Variants in CHD2 observed in about 807,000 individuals in gnomAD.
CHD2 encodes ATP-dependent chromatin remodeler CHD2.
In CHD2, 28 loss-of-function variants were observed where a neutral mutation model predicts 243.9. The observed-to-expected ratio is 0.11, with a 90% confidence interval of 0.09 to 0.16. The LOEUF is 0.16. Ranked by LOEUF, CHD2 falls within the 10% of genes least tolerant of loss-of-function variation. The probability of loss-of-function intolerance (pLI) is 1.00; values close to 1 mark genes in which losing one functional copy is unlikely to be tolerated. For synonymous variants in CHD2, 775 were observed against 779.0 expected, an observed-to-expected ratio of 0.99 and a Z score of 0.09; for missense variants, 1,386 against 2,209.8, an observed-to-expected ratio of 0.63 and a Z score of 7.47.
Position 93,002,278 on chromosome 15 carries a change from G to A in CHD2, c.4239G>A (p.Gly1413=). Residue 1413 remains glycine, a synonymous_variant, in exon 33 of 39, where the codon GGG becomes GGA. Coordinates refer to ENST00000394196, the MANE Select transcript of CHD2 (RefSeq NM_001271.4). ...TGAGTTCTAGGAAAGACAAAGAAGGGGACAAGGAAAGAAAGAAGTCAAAAG... is the reference window on the plus strand; with the variant it reads ...TGAGTTCTAGGAAAGACAAAGAAGGAGACAAGGAAAGAAAGAAGTCAAAAG... ...KQMSSRKDKE[G]DKERKKSKDK... 1 of 1,600,598 alleles carries A rather than the reference G, an allele frequency of 6.2e-7. No individual in the cohort carries two copies. Among genetic ancestry groups the A allele is most frequent in the Non-Finnish European group, 8.5e-7 (1 of 1,173,848 alleles).
At chr15:92,940,398 G>A (rs1255530048) in intron 7 of CHD2, among the ~76,000 whole-genome samples, 4 of 152,026 alleles carry the variant, frequency 2.6e-5, no homozygotes, top group Admixed American at 6.6e-5. Flanking sequence ...AGTGAGTTGA[G>A]ATCACGCCAC....
At chr15:92,971,201 A>G (rs916554903) in intron 17 of CHD2, among the ~76,000 whole-genome samples, 2 of 152,220 alleles carry the variant, frequency 1.3e-5, no homozygotes, top group Non-Finnish European at 2.9e-5. Flanking sequence ...CTTGGGGACC[A>G]GAAGTATTTC....
intron 17 of CHD2, among the ~76,000 whole-genome samples, chr15:92,968,109 A>G (rs1469524776): frequency 7.7e-6 from 1 of 130,672 alleles, no homozygotes; most frequent in African/African-American, 2.6e-5. Context: ...TCTCTTAAGT[A>G]TATTTTAATC....
rs2053406994 is a variant in CHD2 at position 92,943,053 on chromosome 15, A to G, written c.1037A>G (p.Asp346Gly). 6.2e-7 allele frequency: 1 copy of G among 1,611,528 alleles called. No individual in the cohort carries two copies. Among genetic ancestry groups the G allele is most frequent in the Non-Finnish European group, 8.5e-7 (1 of 1,177,836 alleles). Residue 346 changes from aspartate (D) to glycine (G), a missense_variant, in exon 9 of 39, where the codon GAC becomes GGC. By Grantham distance (94) the Asp-to-Gly change is moderately conservative. Around this residue, in one of 19 missense-constraint regions of CHD2, gnomAD observed 200 missense variants for 292.5 expected, o/e 0.68. Coordinates refer to ENST00000394196, the MANE Select transcript of CHD2 (RefSeq NM_001271.4). ...KKLENFKKKE[D>G]EIKQWLGKVS... ...CTAGAGAACTTCAAGAAAAAAGAGG[A>G]CGAAATCAAACAATGGTATATTTTC...
intron 16 of CHD2, among the ~76,000 whole-genome samples, chr15:92,959,545 G>C (rs2053658586): frequency 2.0e-5 from 3 of 152,152 alleles, no homozygotes; most frequent in South Asian, 4.1e-4. Context: ...GGCTGGAAGG[G>C]AAGTGGCGCA....
Position 92,900,573 on chromosome 15 carries a change from T to C in CHD2, c.-323T>C, listed in dbSNP as rs988302061. 1.3e-5 allele frequency: 5 copies of C among 397,096 alleles called. No individual in the cohort carries two copies. The highest frequency in any genetic ancestry group is 3.6e-5 in the East Asian group (1 of 27,966). 24.6% of individuals were successfully genotyped at this position (397,096 alleles called of 1,614,324 possible). On this transcript the variant is annotated 5_prime_UTR_variant, in exon 1 of 39. Coordinates refer to ENST00000394196, the MANE Select transcript of CHD2 (RefSeq NM_001271.4). ...CAGCCGTACTGAGAGCCCAGGTCGTTGTTTTTTCCAGCTTAGAAGCCATGG... is the reference window on the plus strand; with the variant it reads ...CAGCCGTACTGAGAGCCCAGGTCGTCGTTTTTTCCAGCTTAGAAGCCATGG...
At chr15:92,911,515 A>G (rs1169694006) in intron 2 of CHD2, among the ~76,000 whole-genome samples, 3 of 152,194 alleles carry the variant, frequency 2.0e-5, no homozygotes, top group Admixed American at 1.3e-4. Flanking sequence ...AGGCTGGCAG[A>G]TCACTTGAGG....
At chr15:92,908,326 T>C (rs1309809686) in intron 2 of CHD2, among the ~76,000 whole-genome samples, 1 of 152,248 alleles carries the variant, frequency 6.6e-6, no homozygotes, top group African/African-American at 2.4e-5. Context: ...GTCTAAACCA[T>C]AGGACTATAT....
chr15:92,909,269 C>T (rs1942632596), intron 2 of CHD2, among the ~76,000 whole-genome samples: 1 of 152,108 alleles, frequency 6.6e-6, no homozygotes, highest in Non-Finnish European at 1.5e-5. Flanking sequence ...AGTTTAGATT[C>T]TAGAATTATT....
intron 7 of CHD2, among the ~76,000 whole-genome samples, chr15:92,940,534 G>A (rs1476285306): frequency 1.3e-5 from 2 of 150,806 alleles, no homozygotes; most frequent in East Asian, 3.9e-4. Context: ...TTTTTTTTTA[G>A]ATTTTACAGA....
chr15:92,923,337 T>A (rs1352646117), intron 2 of CHD2, among the ~76,000 whole-genome samples: 1 of 152,116 alleles, frequency 6.6e-6, no homozygotes, highest in Non-Finnish European at 1.5e-5. Flanking sequence ...CATGGCTCAC[T>A]GCATCCTCGA....
chr15:92,915,943 G>GT (rs2052826065), intron 2 of CHD2, among the ~76,000 whole-genome samples: 1 of 152,166 alleles, frequency 6.6e-6, no homozygotes, highest in Admixed American at 6.5e-5. Flanking sequence ...AGACAAATGC[G>GT]TATCTGATTG....
chr15:92,986,900 T>TA (rs1311997250), intron 26 of CHD2, among the ~76,000 whole-genome samples: 1 of 152,004 alleles, frequency 6.6e-6, no homozygotes, highest in Non-Finnish European at 1.5e-5. Flanking sequence ...TCTGGCTAAT[T>TA]AAAAATTTTT....
chr15:92,927,142 T>C (rs555282481), intron 3 of CHD2, 102 bp from the exon 4 acceptor site: 1 of 858,314 alleles, frequency 1.2e-6, no homozygotes, highest in East Asian at 2.7e-5. Flanking sequence ...AACAACCCTT[T>C]TGATACTTGG....
intron 33 of CHD2, among the ~76,000 whole-genome samples, chr15:93,004,192 A>G (rs929012662): frequency 2.0e-5 from 3 of 152,134 alleles, no homozygotes; most frequent in African/African-American, 7.2e-5. Context: ...CTTCAATGTA[A>G]TTGAGATTTG....
Position 92,929,103 on chromosome 15 carries a change from A to G in CHD2, c.443+12A>G, listed in dbSNP as rs2053117625. On this transcript the variant is annotated intron_variant, in intron 5 of 38. Transcript: ENST00000394196. ...CAGCTGAAAAAACAGTAAGTCTTTC[A>G]TGGGGGAAATTATTCAATCTAGTAG... 4 of 1,596,550 alleles carry G rather than the reference A, an allele frequency of 2.5e-6. 1 individual carries two copies. The highest frequency in any genetic ancestry group is 2.3e-5 in the South Asian group (2 of 88,830).
chr15:92,993,769 G>A lies in CHD2; in HGVS notation c.3595+771G>A, dbSNP rs191860583. ...TCCAGTCTGGGCAATATGTAAGTGAGACCTTGTCTCTACAAACAGTTTAAA... is the reference window on the plus strand; with the variant it reads ...TCCAGTCTGGGCAATATGTAAGTGAAACCTTGTCTCTACAAACAGTTTAAA... On this transcript the variant is annotated intron_variant, in intron 28 of 38. Coordinates refer to ENST00000394196, the MANE Select transcript of CHD2 (RefSeq NM_001271.4). Among the ~76,000 whole-genome samples, 424 of 152,214 alleles carry A rather than the reference G, an allele frequency of 2.8e-3. 1 individual carries two copies. Among genetic ancestry groups the A allele is most frequent in the African/African-American group, 8.6e-3 (357 of 41,540 alleles).
In CHD2 at chr15:92,972,905, G is replaced by A. The variant is rs534387759; in HGVS notation, c.2505+488G>A. 5.3e-4 allele frequency among the ~76,000 whole-genome samples: 80 copies of A among 152,110 alleles called. 2 individuals are homozygous for A. The highest frequency in any genetic ancestry group is 9.8e-4 in the Non-Finnish European group (67 of 68,022). On this transcript the variant is annotated intron_variant, in intron 19 of 38. Transcript: ENST00000394196. ...GGAGGGTCTTAATTTTTACTTGCAT[G>A]CCTTTAGGCTACCATATGAAAGTGG...
rs759969830 is a variant in CHD2 at position 93,009,226 on chromosome 15, C to T, written c.4495C>T (p.Leu1499=). 1 of 1,614,208 alleles carries T rather than the reference C, an allele frequency of 6.2e-7. No individual in the cohort carries two copies. The highest frequency in any genetic ancestry group is 1.1e-5 in the South Asian group (1 of 91,086). The change falls in exon 35 of 39, where the codon CTG becomes TTG. Residue 1499 remains leucine (L), a synonymous_variant. Coordinates refer to ENST00000394196, the MANE Select transcript of CHD2 (RefSeq NM_001271.4). The part of the protein sequence containing the change: ...PDKGLNVQEQ[L]EHTRNCLLKI... The stretch of plus-strand genomic sequence containing the variant: ...CAAGGGGCTCAACGTGCAAGAACAG[C>T]TGGAACACACCCGGAACTGCCTGCT...
Sources: allele counts gnomAD v4.1 joint callset (sites outside exome capture counted in the v4.1 genomes callset), GRCh38; gene constraint gnomAD v4.1.1; regional missense constraint gnomAD v4.1.1; transcripts MANE v1.5; gene names NCBI Gene and HGNC (gene_info 2026-07-23, HGNC 2026-07-21).